CDYL: variants seen among roughly 807,000 people sequenced by gnomAD.
The protein encoded by CDYL is chromodomain Y-like protein.
CDYL carries 8 observed loss-of-function variants against 47.3 expected under a neutral mutation model. That is an observed-to-expected ratio of 0.17 (90% CI 0.10 to 0.31). CDYL has a LOEUF of 0.31. CDYL is among the 10% of genes least tolerant of loss of function. CDYL has a pLI of 1.00. For synonymous variants in CDYL, 266 were observed against 265.0 expected (o/e 1.00, Z -0.04); for missense variants, 471 against 701.4 (o/e 0.67, Z 3.71).
chr6:4,910,364 C>T (rs1263919882), intron 2 of CDYL, among the ~76,000 whole-genome samples: 1 of 152,138 alleles, frequency 6.6e-6, no homozygotes, highest in Non-Finnish European at 1.5e-5. Context: ...GTTTTATGGC[C>T]AGAAGAGGCA....
At chr6:4,718,199 G>A (rs1757305686) in intron 2 of CDYL, among the ~76,000 whole-genome samples, 1 of 152,058 alleles carries the variant, frequency 6.6e-6, no homozygotes, top group Admixed American at 6.6e-5. Context: ...TTATGCCATA[G>A]ACCAGGAAAT....
At chr6:4,919,021 T>G (rs1217506680) in intron 2 of CDYL, among the ~76,000 whole-genome samples, 2 of 152,224 alleles carry the variant, frequency 1.3e-5, no homozygotes, top group African/African-American at 4.8e-5. Context: ...GACACTTGAC[T>G]GTCTCTAGTT....
At chr6:4,716,749 C>T (rs1561820276) in intron 2 of CDYL, among the ~76,000 whole-genome samples, 2 of 151,972 alleles carry the variant, frequency 1.3e-5, no homozygotes, top group Non-Finnish European at 2.9e-5. Context: ...GTCATCTGTT[C>T]ATTCTTTCAT....
intron 1 of CDYL, among the ~76,000 whole-genome samples, chr6:4,839,823 CTGGTAGTATAGTTTGAAGTTGGGTAATG>C (rs1297334368): frequency 6.6e-6 from 1 of 152,082 alleles, no homozygotes; most frequent in African/African-American, 2.4e-5. Flanking sequence ...TGACTATGGC[CTGGTAGTATAGTTTGAAGTTGGGTAATG>C]TGATTCCTCC....
intron 2 of CDYL, among the ~76,000 whole-genome samples, chr6:4,934,519 C>A (rs1052579992): frequency 6.6e-6 from 1 of 152,148 alleles, no homozygotes; most frequent in Non-Finnish European, 1.5e-5. Flanking sequence ...CTTCATGCTC[C>A]GCCCTCAGAG....
intron 2 of CDYL, among the ~76,000 whole-genome samples, chr6:4,919,553 T>C (rs899779460): frequency 3.9e-5 from 6 of 152,228 alleles, no homozygotes; most frequent in African/African-American, 1.4e-4. Flanking sequence ...AGTGTTACAT[T>C]GGTGAAAAGT....
Position 4,954,208 on chromosome 6 carries a change from T to G in CDYL, c.*152T>G. 1.5e-6 allele frequency: 1 copy of G among 688,968 alleles called. No individual in the cohort carries two copies. The highest frequency in any genetic ancestry group is 2.3e-6 in the Non-Finnish European group (1 of 439,154). The allele number at this position is 688,968 out of a possible 1,614,324, so 42.7% of individuals were successfully genotyped here. Reference sequence around the variant, plus strand: ...CTGGGAACATCCACGCTATTTATTATCGAGGAGTTTTAAAGTACTGTAACT... The same window carrying G: ...CTGGGAACATCCACGCTATTTATTAGCGAGGAGTTTTAAAGTACTGTAACT... On this transcript the variant is annotated 3_prime_UTR_variant, in exon 7 of 7. Transcript: ENST00000397588.
intron 1 of CDYL, among the ~76,000 whole-genome samples, chr6:4,827,291 G>C (rs1055874511): frequency 2.6e-5 from 4 of 152,070 alleles, no homozygotes; most frequent in Admixed American, 1.3e-4. Context: ...TACATTTCAA[G>C]TTACTACTGA....
chr6:4,822,298 A>C (rs2127449268), intron 1 of CDYL, among the ~76,000 whole-genome samples: 1 of 152,232 alleles, frequency 6.6e-6, no homozygotes, highest in East Asian at 1.9e-4. Context: ...TGTGCCCGGC[A>C]AAATCAGCTT....
At chr6:4,775,836 C>A (rs2127427216), upstream of CDYL, among the ~76,000 whole-genome samples, 1 of 150,564 alleles carries the variant, frequency 6.6e-6, no homozygotes, top group South Asian at 2.1e-4. The surrounding 1 kb of genome is among the most constrained non-coding windows in gnomAD (Gnocchi z 7.0). Context: ...GCTGGCCCGG[C>A]CCCGGACGGG....
At chr6:4,792,280 G>A (rs906949446) in intron 1 of CDYL, among the ~76,000 whole-genome samples, 2 of 151,720 alleles carry the variant, frequency 1.3e-5, no homozygotes, top group Non-Finnish European at 2.9e-5. Flanking sequence ...GGAGATCTTG[G>A]TATATAATAG....
Position 4,952,408 on chromosome 6 carries a change from T to C in CDYL, c.1475T>C (p.Val492Ala), listed in dbSNP as rs1581297741. The C allele has an allele frequency of 3.7e-6, 6 of 1,610,326 alleles. No individual in the cohort carries two copies. Among genetic ancestry groups the C allele is most frequent in the Non-Finnish European group, 4.2e-6 (5 of 1,178,580 alleles). ...RIKELASCNP[V>A]VLEESKALVR... Reference sequence around the variant, plus strand: ...AAGGAGCTTGCCTCGTGCAATCCAGTTGTATGTCTAATTGCTTCTGTTACA... The same window carrying C: ...AAGGAGCTTGCCTCGTGCAATCCAGCTGTATGTCTAATTGCTTCTGTTACA... The change falls in exon 6 of 7, where the codon GTT (valine) becomes GCT (alanine). Residue 492 changes from valine (V) to alanine (A), a missense_variant and splice_region_variant. Around this residue, in one of 3 missense-constraint regions of CDYL, gnomAD observed 57 missense variants for 74.3 expected, o/e 0.77. Transcript: ENST00000397588.
intron 2 of CDYL, among the ~76,000 whole-genome samples, chr6:4,902,909 A>G (rs1757112392): frequency 6.6e-6 from 1 of 152,210 alleles, no homozygotes. Context: ...TAGATGGACA[A>G]ATTCACTTAA....
chr6:4,913,950 C>G (rs912152313), intron 2 of CDYL, among the ~76,000 whole-genome samples: 3 of 152,244 alleles, frequency 2.0e-5, no homozygotes, highest in Non-Finnish European at 4.4e-5. Flanking sequence ...CTAACCTTCT[C>G]ACCTTGGGAA....
At chr6:4,910,635 G>C (rs1283894606) in intron 2 of CDYL, among the ~76,000 whole-genome samples, 2 of 152,166 alleles carry the variant, frequency 1.3e-5, no homozygotes, top group Non-Finnish European at 2.9e-5. Flanking sequence ...TGTGTTCAAA[G>C]GCTCAAGGAG....
chr6:4,875,623 A>T (rs1054079422), intron 1 of CDYL, among the ~76,000 whole-genome samples: 2 of 152,230 alleles, frequency 1.3e-5, no homozygotes, highest in Admixed American at 6.5e-5. Context: ...AAAATTTGAC[A>T]TCATATCTGT....
upstream of CDYL, among the ~76,000 whole-genome samples, chr6:4,772,567 T>G (rs1398947858): frequency 6.6e-6 from 1 of 152,192 alleles, no homozygotes; most frequent in Non-Finnish European, 1.5e-5. Flanking sequence ...TTCTTTTGGG[T>G]CTCAGGTTTA....
rs937545831 is a variant in CDYL at position 4,815,833 on chromosome 6, A to G, written c.24+39026A>G. Among the ~76,000 whole-genome samples, 3 of 151,654 alleles carry G rather than the reference A, an allele frequency of 2.0e-5. No homozygotes were observed. The East Asian group carries it at 5.8e-4, about 29-fold the overall frequency. ...TGCCTGTTTTGGCTTTTAAAAATAT[A>G]TGTATTTTTTGCTCTACAGAATGTG... On this transcript the variant is annotated intron_variant, in intron 1 of 6. Transcript: ENST00000397588.
At chr6:4,935,960 C>T (rs1758179789) in intron 3 of CDYL, among the ~76,000 whole-genome samples, 189 bp downstream of exon 3, 1 of 152,182 alleles carries the variant, frequency 6.6e-6, no homozygotes, top group Admixed American at 6.5e-5. Context: ...CTCCAATGGC[C>T]GTGAATTCAG....
Sources: gnomAD v4.1 joint callset for allele counts (sites outside exome capture counted in the v4.1 genomes callset) on GRCh38, gnomAD v4.1.1 for gene constraint, gnomAD v4.1.1 regional missense constraint, Gnocchi (gnomAD v3.1) non-coding constraint, MANE v1.5 for transcripts, NCBI Gene and HGNC (gene_info 2026-07-23, HGNC 2026-07-21) for gene names.